The following CCDC91 variants were observed in gnomAD, a reference collection of about 807,000 sequenced individuals.
CCDC91 encodes coiled-coil domain-containing protein 91.
In CCDC91, 48 loss-of-function variants were observed where a neutral mutation model predicts 63.2. That is an observed-to-expected ratio of 0.76 (90% CI 0.60 to 0.97). CCDC91 has a LOEUF of 0.97. Among genes scored for constraint, CCDC91 ranks in the 50% least tolerant of loss-of-function variants. The pLI is 0.00. For synonymous variants in CCDC91, 167 were observed against 165.8 expected, an observed-to-expected ratio of 1.01 and a Z score of -0.06; for missense variants, 500 against 494.6, an observed-to-expected ratio of 1.01 and a Z score of -0.10.
At chr12:28,391,000 A>G (rs538945389) in intron 7 of CCDC91, among the ~76,000 whole-genome samples, 14 of 149,446 alleles carry the variant, frequency 9.4e-5, no homozygotes, top group Non-Finnish European at 1.9e-4. Context: ...TCACTGAACC[A>G]AATTTATATT....
Position 28,525,370 on chromosome 12 carries a change from G to A in CCDC91, c.1216-23693G>A, listed in dbSNP as rs138643859. 1.6e-3 allele frequency among the ~76,000 whole-genome samples: 240 copies of A among 152,062 alleles called. 2 individuals carry two copies. The highest frequency in any genetic ancestry group is 5.6e-3 in the African/African-American group (232 of 41,500). On this transcript the variant is annotated intron_variant, in intron 12 of 12. Coordinates refer to ENST00000536442, the MANE Select transcript of CCDC91 (RefSeq NM_018318.5). ...TTCATTGTTAGCCCAATGATCATTC[G>A]GGAGCAAGTCATTTAATTTCCATGT...
chr12:28,543,081 C>T (rs182449387), intron 12 of CCDC91, among the ~76,000 whole-genome samples: 24 of 152,160 alleles, frequency 1.6e-4, no homozygotes, highest in Admixed American at 3.3e-4. Flanking sequence ...TCTAGTGATT[C>T]GGCCTCCATC....
intron 7 of CCDC91, among the ~76,000 whole-genome samples, chr12:28,382,533 C>G (rs1337635342): frequency 6.6e-6 from 1 of 151,878 alleles, no homozygotes; most frequent in Non-Finnish European, 1.5e-5. Context: ...TCTTCTTCTC[C>G]TCATATATGA....
intron 6 of CCDC91, among the ~76,000 whole-genome samples, chr12:28,318,565 T>A (rs1207238771): frequency 6.6e-6 from 1 of 151,872 alleles, no homozygotes; most frequent in East Asian, 1.9e-4. Context: ...TTTCAATTAT[T>A]TGTTACGGAA....
At chr12:28,324,692 A>G (rs1460392581) in intron 6 of CCDC91, among the ~76,000 whole-genome samples, 1 of 151,800 alleles carries the variant, frequency 6.6e-6, no homozygotes, top group Non-Finnish European at 1.5e-5. Context: ...AATAATAATA[A>G]TAATACTTCC....
At chr12:28,223,421 C>T (rs1190542758) in intron 1 of CCDC91, among the ~76,000 whole-genome samples, 2 of 152,088 alleles carry the variant, frequency 1.3e-5, no homozygotes, top group African/African-American at 4.8e-5. Context: ...ATGCTACATG[C>T]TAGCCTGACT....
chr12:28,304,402 G>A (rs201985350), intron 3 of CCDC91, among the ~76,000 whole-genome samples: 18,038 of 94,032 alleles, frequency 0.19, 2,413 homozygotes, highest in Non-Finnish European at 0.25. Context: ...AAAAAAAAAA[G>A]AAAAAAAAAA....
At chr12:28,283,593 A>G (rs1231945246) in intron 3 of CCDC91, among the ~76,000 whole-genome samples, 1 of 152,094 alleles carries the variant, frequency 6.6e-6, no homozygotes, top group African/African-American at 2.4e-5. Flanking sequence ...TCCCTTACCC[A>G]AAATGCTTGA....
At chr12:28,513,450 G>A (rs141424895) in intron 12 of CCDC91, among the ~76,000 whole-genome samples, 1 of 151,960 alleles carries the variant, frequency 6.6e-6, no homozygotes, top group East Asian at 2.0e-4. Flanking sequence ...ACTGACATAT[G>A]TTGCTCAAAG....
chr12:28,273,206 A>T (rs1171799813), intron 3 of CCDC91, among the ~76,000 whole-genome samples: 1 of 152,100 alleles, frequency 6.6e-6, no homozygotes, highest in Non-Finnish European at 1.5e-5. Flanking sequence ...TCCATGGTGT[A>T]TATGTGCCAC....
intron 7 of CCDC91, among the ~76,000 whole-genome samples, chr12:28,390,753 G>A (rs1331511659): frequency 2.0e-5 from 3 of 151,994 alleles, no homozygotes; most frequent in South Asian, 2.1e-4. Flanking sequence ...CATTAGGAGC[G>A]TGAACTTCCT....
chr12:28,199,377 T>C (rs10843128), intron 1 of CCDC91, among the ~76,000 whole-genome samples: 39,553 of 151,960 alleles, frequency 0.26, 5,383 homozygotes, highest in Non-Finnish European at 0.31. Flanking sequence ...GCTATTATTG[T>C]GTAAGTTACA....
At chr12:28,400,589 A>G (rs967882710) in intron 8 of CCDC91, among the ~76,000 whole-genome samples, 2 of 152,066 alleles carry the variant, frequency 1.3e-5, no homozygotes, top group African/African-American at 4.8e-5. Context: ...AATTTTCCCA[A>G]CTTTTATGCT....
chr12:28,542,525 G>A (rs765303805), intron 12 of CCDC91, among the ~76,000 whole-genome samples: 4 of 152,040 alleles, frequency 2.6e-5, no homozygotes, highest in Non-Finnish European at 5.9e-5. Flanking sequence ...CATGGAATGC[G>A]AATGATGGCT....
intron 1 of CCDC91, among the ~76,000 whole-genome samples, chr12:28,204,489 G>A (rs1315671223): frequency 1.3e-5 from 2 of 152,040 alleles, no homozygotes; most frequent in Non-Finnish European, 2.9e-5. Context: ...CATTCAGAAT[G>A]CAAAATTAGC....
At chr12:28,198,506 A>T (rs1166650192) in intron 1 of CCDC91, among the ~76,000 whole-genome samples, 2 of 152,204 alleles carry the variant, frequency 1.3e-5, no homozygotes, top group Admixed American at 1.3e-4. Flanking sequence ...GGCATGAAAA[A>T]CAAAATAAGC....
At position 28,549,354 on chromosome 12, in the gene CCDC91, T is replaced by C. The variant is rs569175226; in HGVS notation, c.*181T>C. The stretch of plus-strand genomic sequence containing the variant: ...AGTGATCTAATTTATTTTCTTTTGG[T>C]TTCTTCTTTACATTTACTGTTATTT... On this transcript the variant is annotated 3_prime_UTR_variant, in exon 13 of 13. Coordinates refer to ENST00000536442, the MANE Select transcript of CCDC91 (RefSeq NM_018318.5). The C allele has an allele frequency of 6.5e-6, 3 of 462,698 alleles. No homozygotes were observed. Among genetic ancestry groups the C allele is most frequent in the African/African-American group, 6.0e-5 (3 of 49,740 alleles). The allele number at this position is 462,698 out of a possible 1,614,324, so 28.7% of individuals were successfully genotyped here.
intron 8 of CCDC91, among the ~76,000 whole-genome samples, chr12:28,406,775 G>T (rs557438662): frequency 1.3e-5 from 2 of 149,984 alleles, no homozygotes; most frequent in Admixed American, 1.3e-4. Flanking sequence ...CATTCATTTT[G>T]AGTTGATTTT....
chr12:28,287,843 G>GTGGAATAAAAT (rs1458930823), intron 3 of CCDC91, among the ~76,000 whole-genome samples: 1 of 152,152 alleles, frequency 6.6e-6, no homozygotes, highest in Non-Finnish European at 1.5e-5. Context: ...AGTGTGGAAT[G>GTGGAATAAAAT]CTTTTGCATT....
Sources: gnomAD v4.1 joint callset for allele counts (sites outside exome capture counted in the v4.1 genomes callset) on GRCh38, gnomAD v4.1.1 for gene constraint, MANE v1.5 for transcripts, NCBI Gene and HGNC (gene_info 2026-07-23, HGNC 2026-07-21) for gene names.